Variants in CELF4 observed in about 807,000 individuals in gnomAD.
CELF4 encodes the protein CUGBP Elav-like family member 4, also known as CUG-BP- and ETR-3-like factor 4.
In CELF4, 18 loss-of-function variants were observed where a neutral mutation model predicts 59.9. The observed-to-expected ratio is 0.30, with a 90% CI of 0.21 to 0.45. CELF4 has a LOEUF of 0.45. Among genes scored for constraint, CELF4 ranks in the 20% least tolerant of loss-of-function variants. The pLI, the probability that CELF4 is intolerant of heterozygous loss-of-function variation, is 1.00. For synonymous variants in CELF4, 261 were observed against 267.1 expected (o/e 0.98, Z 0.22); for missense variants, 456 against 689.0 (o/e 0.66, Z 3.79).
intron 2 of CELF4, among the ~76,000 whole-genome samples, chr18:37,348,728 TCTC>T (rs2098360071): frequency 6.6e-6 from 1 of 152,074 alleles, no homozygotes; most frequent in Admixed American, 6.5e-5. Context: ...TCATTCCTGG[TCTC>T]CTCACTCCTC....
intron 3 of CELF4, among the ~76,000 whole-genome samples, chr18:37,301,929 CT>C (rs1313533022): frequency 6.6e-6 from 1 of 152,164 alleles, no homozygotes; most frequent in East Asian, 1.9e-4. Flanking sequence ...CCCCTTCCCC[CT>C]GCTCTACTGG....
At chr18:37,530,615 C>T (rs1266713459) in intron 1 of CELF4, among the ~76,000 whole-genome samples, 1 of 152,174 alleles carries the variant, frequency 6.6e-6, no homozygotes, top group African/African-American at 2.4e-5. Context: ...GATAGCTCCC[C>T]TCAGTCCGAT....
At chr18:37,368,361 C>G (rs2098814639) in intron 2 of CELF4, among the ~76,000 whole-genome samples, 2 of 152,130 alleles carry the variant, frequency 1.3e-5, no homozygotes, top group Non-Finnish European at 2.9e-5. Flanking sequence ...TTCTCTTCAG[C>G]CCTTGTTGCC....
At position 37,472,447 on chromosome 18, in the gene CELF4, T is replaced by C. The variant is rs538429653; in HGVS notation, c.369+13078A>G. On this transcript the variant is annotated intron_variant, in intron 2 of 12. Coordinates refer to ENST00000420428, the MANE Select transcript of CELF4 (RefSeq NM_020180.4). The stretch of plus-strand genomic sequence containing the variant: ...GGGGCCAGGTAGGAAGATTCACTCC[T>C]TTCTTGGAGACAGAATCACTGAAGC... Among the ~76,000 whole-genome samples, 3 of 152,360 alleles carry C rather than the reference T, an allele frequency of 2.0e-5. No homozygotes were observed. The South Asian group carries it at 6.2e-4, about 32-fold the overall frequency.
chr18:37,432,199 C>T (rs2099671149), intron 2 of CELF4, among the ~76,000 whole-genome samples: 1 of 152,196 alleles, frequency 6.6e-6, no homozygotes, highest in African/African-American at 2.4e-5. Flanking sequence ...GGCCTCTGCC[C>T]CTCAGGTGGA....
intron 2 of CELF4, among the ~76,000 whole-genome samples, chr18:37,413,311 C>T (rs2099491530): frequency 6.6e-6 from 1 of 151,884 alleles, no homozygotes; most frequent in Non-Finnish European, 1.5e-5. Context: ...CATGTGGGTT[C>T]CTGTAGGTGT....
intron 2 of CELF4, among the ~76,000 whole-genome samples, chr18:37,447,313 G>A (rs180832056): frequency 2.6e-4 from 40 of 152,278 alleles, no homozygotes; most frequent in Admixed American, 1.7e-3. Context: ...TTTGTGAAGC[G>A]GCTTGAGTGC....
chr18:37,486,785 C>T (rs1378298217), intron 1 of CELF4, among the ~76,000 whole-genome samples: 2 of 152,344 alleles, frequency 1.3e-5, no homozygotes, highest in East Asian at 1.9e-4. Flanking sequence ...AAGGCCACAT[C>T]CCCAACAACC....
intron 2 of CELF4, among the ~76,000 whole-genome samples, chr18:37,353,913 G>A (rs142370977): frequency 0.017 from 2,607 of 151,568 alleles, 80 homozygotes; most frequent in African/African-American, 0.061. Flanking sequence ...CTCACCACAC[G>A]CCCAGCTAAT....
At chr18:37,298,967 T>G (rs975652909) in intron 3 of CELF4, among the ~76,000 whole-genome samples, 3 of 152,204 alleles carry the variant, frequency 2.0e-5, no homozygotes, top group African/African-American at 4.8e-5. Context: ...GCACTTAGCA[T>G]AGGGCCTGGC....
intron 7 of CELF4, 62 bp downstream of exon 7, chr18:37,272,954 C>T: frequency 6.6e-7 from 1 of 1,521,470 alleles, no homozygotes. Flanking sequence ...AAATTAGGTC[C>T]CAGCCTGGGG....
intron 3 of CELF4, among the ~76,000 whole-genome samples, chr18:37,278,389 G>A (rs897145426): frequency 2.0e-5 from 3 of 152,164 alleles, no homozygotes; most frequent in Admixed American, 1.3e-4. Context: ...AGTTTGCACC[G>A]TCCTCCAGTT....
At chr18:37,274,777 G>T (rs1245744911) in intron 5 of CELF4, 28 bp downstream of exon 5, 1 of 1,548,570 alleles carries the variant, frequency 6.5e-7, no homozygotes, top group Admixed American at 1.9e-5. Context: ...CGCTGCCCTC[G>T]CCCCCGCCCC....
intron 2 of CELF4, among the ~76,000 whole-genome samples, chr18:37,339,320 C>G (rs942776708): frequency 2.0e-5 from 3 of 152,176 alleles, no homozygotes; most frequent in Non-Finnish European, 2.9e-5. Flanking sequence ...GATCCCTTGA[C>G]CAGAAAGTGG....
intron 8 of CELF4, among the ~76,000 whole-genome samples, chr18:37,269,123 A>G (rs968663094): frequency 2.0e-5 from 3 of 152,116 alleles, no homozygotes; most frequent in African/African-American, 7.2e-5. Flanking sequence ...CTCCCAGCCC[A>G]TGAGCCTTAG....
intron 3 of CELF4, among the ~76,000 whole-genome samples, chr18:37,301,338 C>T (rs2096018488): frequency 6.6e-6 from 1 of 152,292 alleles, no homozygotes; most frequent in Admixed American, 6.5e-5. Flanking sequence ...TTGTTTCTAT[C>T]CTCCGCCAGA....
intron 2 of CELF4, among the ~76,000 whole-genome samples, chr18:37,340,389 T>C (rs1411742999): frequency 1.3e-5 from 2 of 152,174 alleles, no homozygotes; most frequent in Non-Finnish European, 2.9e-5. Flanking sequence ...ATGACAGTGC[T>C]CCTCACAAGG....
At position 37,243,908 on chromosome 18, in the gene CELF4, A is replaced by ACGGCGGCGGCGG. The variant is rs376915627; in HGVS notation, c.*1322_*1333dup. On this transcript the variant is annotated 3_prime_UTR_variant, in exon 13 of 13. Coordinates refer to ENST00000420428, the MANE Select transcript of CELF4 (RefSeq NM_020180.4). ...CAGAGGGAAGCGAGAGGCGAGGATG[A>ACGGCGGCGGCGG]CGGCGGCGGCGGCGGCGGCGACCCG... The ACGGCGGCGGCGG allele has an allele frequency of 5.3e-6, 1 of 187,470 alleles. No individual in the cohort carries two copies. The allele number at this position is 187,470 out of a possible 1,614,324, so 11.6% of individuals were successfully genotyped here. A position where few individuals can be genotyped will look rare whatever the true frequency, so the allele number is the denominator to read the frequency against.
At chr18:37,377,668 A>G (rs890187100) in intron 2 of CELF4, among the ~76,000 whole-genome samples, 2 of 152,190 alleles carry the variant, frequency 1.3e-5, no homozygotes, top group South Asian at 4.1e-4. Flanking sequence ...TTTCAGGAAG[A>G]CGGGTGTGTT....
Sources: gnomAD v4.1 joint callset for allele counts (sites outside exome capture counted in the v4.1 genomes callset) on GRCh38, gnomAD v4.1.1 for gene constraint, MANE v1.5 for transcripts, NCBI Gene and HGNC (gene_info 2026-07-23, HGNC 2026-07-21) for gene names.